The following PPA2 variants were observed in gnomAD, a reference collection of about 807,000 sequenced individuals.
The protein encoded by PPA2 is inorganic pyrophosphatase 2, mitochondrial.
In PPA2, 48 loss-of-function variants were observed where a neutral mutation model predicts 49.5. The ratio of observed to expected loss-of-function variants is 0.97; its 90% confidence interval spans 0.77 to 1.23. The LOEUF is 1.23. Among genes scored for constraint, PPA2 ranks in the 50% most tolerant of loss-of-function variants. The pLI is 0.00. For missense variants in PPA2, 429 were observed against 410.1 expected (o/e 1.05, Z -0.40); for synonymous variants, 131 against 139.9 (o/e 0.94, Z 0.45).
intron 7 of PPA2, among the ~76,000 whole-genome samples, chr4:105,410,383 G>A (rs1722695668): frequency 1.3e-5 from 2 of 152,114 alleles, no homozygotes; most frequent in African/African-American, 2.4e-5. Context: ...GAAAAGAAAT[G>A]AATAAAGCCT....
intron 8 of PPA2, among the ~76,000 whole-genome samples, chr4:105,396,970 T>A (rs1301470633): frequency 6.6e-6 from 1 of 152,178 alleles, no homozygotes; most frequent in East Asian, 1.9e-4. Flanking sequence ...GCAGTACATC[T>A]CCTTGACATT....
intron 6 of PPA2, among the ~76,000 whole-genome samples, chr4:105,425,723 TACACACACACACACAC>T (rs59144523): frequency 5.7e-5 from 7 of 122,530 alleles, no homozygotes; most frequent in South Asian, 2.6e-4. Context: ...CACATGCACA[TACACACACACACACAC>T]ACACACACAC....
chr4:105,447,216 AG>A (rs1560635486), intron 4 of PPA2, among the ~76,000 whole-genome samples: 1 of 152,244 alleles, frequency 6.6e-6, no homozygotes, highest in African/African-American at 2.4e-5. Flanking sequence ...CCTTAAAAAA[AG>A]CAGAACATTC....
intron 1 of PPA2, among the ~76,000 whole-genome samples, chr4:105,470,813 C>A (rs1220742193): frequency 2.0e-5 from 3 of 152,198 alleles, no homozygotes; most frequent in African/African-American, 4.8e-5. Context: ...CGGATGTCAT[C>A]TGAAGGTAAG....
intron 7 of PPA2, among the ~76,000 whole-genome samples, chr4:105,422,228 T>C (rs970341969): frequency 2.0e-5 from 3 of 152,214 alleles, no homozygotes; most frequent in African/African-American, 7.2e-5. Flanking sequence ...TTTTTCATGA[T>C]GAAAATAATA....
chr4:105,386,636 G>A lies in PPA2; in HGVS notation c.870C>T (p.Cys290=), dbSNP rs1172740082. Reference sequence around the variant, plus strand: ...GGCTATCAGATATCTGCACGTTTGTGCTGGAGAGGAAAAGAGAATGTTATT... The same window carrying A: ...GGCTATCAGATATCTGCACGTTTGTACTGGAGAGGAAAAGAGAATGTTATT... ...MKKCNGGAIN[C]TNVQISDSPF... is the part of the protein sequence containing the mutation. Residue 290 remains cysteine (C), a splice_region_variant and synonymous_variant, in exon 10 of 12, where the codon TGC becomes TGT. Coordinates refer to ENST00000341695, the MANE Select transcript of PPA2 (RefSeq NM_176869.3). 1.2e-6 allele frequency: 2 copies of A among 1,611,274 alleles called. No homozygotes were observed.
chr4:105,462,664 T>C (rs939354667), intron 1 of PPA2, among the ~76,000 whole-genome samples: 10 of 152,244 alleles, frequency 6.6e-5, no homozygotes, highest in African/African-American at 1.9e-4. Flanking sequence ...ACCAAATATA[T>C]TGATATGGTT....
chr4:105,460,013 A>G (rs1465983459), intron 1 of PPA2, among the ~76,000 whole-genome samples: 1 of 152,244 alleles, frequency 6.6e-6, no homozygotes, highest in Non-Finnish European at 1.5e-5. Flanking sequence ...GTCAAAACTC[A>G]GAAGTGTCCA....
At chr4:105,435,910 C>T (rs1274578120) in intron 6 of PPA2, among the ~76,000 whole-genome samples, 1 of 152,068 alleles carries the variant, frequency 6.6e-6, no homozygotes, top group Non-Finnish European at 1.5e-5. Context: ...ACAAGGATGT[C>T]CAGTCTCACC....
intron 7 of PPA2, among the ~76,000 whole-genome samples, chr4:105,408,972 C>A (rs1312503929): frequency 2.0e-5 from 3 of 152,160 alleles, no homozygotes; most frequent in Non-Finnish European, 4.4e-5. Context: ...GTCTGCAGCT[C>A]CCAGAGAGAT....
At chr4:105,443,481 C>G (rs928807208) in intron 5 of PPA2, among the ~76,000 whole-genome samples, 6 of 149,608 alleles carry the variant, frequency 4.0e-5, no homozygotes, top group Admixed American at 1.3e-4. Context: ...AGAGCTATTC[C>G]ATAAGCTATC....
intron 6 of PPA2, among the ~76,000 whole-genome samples, chr4:105,435,024 C>T (rs1723985156): frequency 1.3e-5 from 2 of 152,132 alleles, no homozygotes; most frequent in African/African-American, 4.8e-5. Flanking sequence ...ATGAACAATA[C>T]AAAATCCCTC....
chr4:105,437,595 G>C (rs1159297888), intron 6 of PPA2, among the ~76,000 whole-genome samples: 1 of 152,132 alleles, frequency 6.6e-6, no homozygotes, highest in African/African-American at 2.4e-5. Context: ...GGGTCAGATG[G>C]TAGACATAAA....
chr4:105,443,444 G>GAA (rs11351997), intron 5 of PPA2, among the ~76,000 whole-genome samples: 7 of 104,584 alleles, frequency 6.7e-5, no homozygotes, highest in Non-Finnish European at 1.0e-4. Flanking sequence ...CCATCAAGCA[G>GAA]AAAAAAAAAA....
chr4:105,425,214 T>G (rs1472223944), intron 6 of PPA2, among the ~76,000 whole-genome samples: 1 of 151,840 alleles, frequency 6.6e-6, no homozygotes, highest in Non-Finnish European at 1.5e-5. Context: ...TGCAAGAAAA[T>G]GTAAACCCTA....
rs1732921713 is a variant in PPA2, at chr4:105,369,223, A to C, written c.*502T>G. 1 of 144,678 alleles carries C rather than the reference A, an allele frequency of 6.9e-6. No homozygotes were observed. Among genetic ancestry groups the C allele is most frequent in the Admixed American group, 7.0e-5 (1 of 14,222 alleles). 9.0% of individuals were successfully genotyped at this position (144,678 alleles called of 1,614,324 possible). The stretch of plus-strand genomic sequence containing the variant: ...CTAAATTTGTGCTATGAAATGAAAC[A>C]AAATCTTTTTTTTTTTTTTGAGACG... On this transcript the variant is annotated 3_prime_UTR_variant, in exon 12 of 12. Coordinates refer to ENST00000341695, the MANE Select transcript of PPA2 (RefSeq NM_176869.3).
At chr4:105,380,026 T>C (rs1733423006) in intron 10 of PPA2, among the ~76,000 whole-genome samples, 1 of 152,222 alleles carries the variant, frequency 6.6e-6, no homozygotes, top group Non-Finnish European at 1.5e-5. Context: ...GAACTTGCTA[T>C]GGAGACATTC....
chr4:105,456,156 G>A (rs1722866780), intron 2 of PPA2: 1 of 420,372 alleles, frequency 2.4e-6, no homozygotes, highest in Non-Finnish European at 4.6e-6. Flanking sequence ...TTTTACCCCT[G>A]CTTTATTTCT....
chr4:105,386,227 T>C (rs932094716), intron 10 of PPA2, among the ~76,000 whole-genome samples: 5 of 152,146 alleles, frequency 3.3e-5, no homozygotes, highest in Admixed American at 2.6e-4. Context: ...CCAGTTCCAA[T>C]GTAGACACGG....
Sources: allele counts gnomAD v4.1 joint callset (sites outside exome capture counted in the v4.1 genomes callset), GRCh38; gene constraint gnomAD v4.1.1; transcripts MANE v1.5; gene names NCBI Gene and HGNC (gene_info 2026-07-23, HGNC 2026-07-21).